The following CUX1 variants were observed in gnomAD, a reference collection of about 807,000 sequenced individuals.
CUX1 encodes protein CASP.
In CUX1, 31 loss-of-function variants were observed where a neutral mutation model predicts 158.8. The ratio of observed to expected loss-of-function variants is 0.20; its 90% CI spans 0.15 to 0.26. CUX1 has a LOEUF of 0.26. Ranked by LOEUF, CUX1 falls within the 10% of genes least tolerant of loss-of-function variation. The pLI is 1.00. For synonymous variants in CUX1, 879 were observed against 862.1 expected, an observed-to-expected ratio of 1.02 and a Z score of -0.34; for missense variants, 1,589 against 2,014.6, an observed-to-expected ratio of 0.79 and a Z score of 4.04.
intron 1 of CUX1, among the ~76,000 whole-genome samples, chr7:101,886,036 G>A (rs1800188207): frequency 6.6e-6 from 1 of 152,150 alleles, no homozygotes; most frequent in African/African-American, 2.4e-5. Context: ...GGATCCCCAT[G>A]CCTCTGTGGG....
chr7:102,227,587 A>G lies in CUX1; in HGVS notation c.3351A>G (p.Gln1117=), dbSNP rs1554529075. Residue 1117 remains glutamine (Q), a synonymous_variant, in exon 21 of 24, where the codon CAA becomes CAG. Coordinates refer to ENST00000292535, the MANE Select transcript of CUX1 (RefSeq NM_181552.4). ...CCGGACACTCGGCCCTCAGCATCCA[A>G]GAATTAGTAGCCATGTCCCCGGAGC... The part of the protein sequence containing the change: ...PLSGHSALSI[Q]ELVAMSPELD... 3 of 1,614,150 alleles carry G rather than the reference A, an allele frequency of 1.9e-6. No individual in the cohort carries two copies. In the African/African-American group the frequency reaches 4.0e-5, roughly 22 times the overall value.
intron 5 of CUX1, among the ~76,000 whole-genome samples, chr7:102,101,112 G>A (rs1298462084): frequency 6.6e-6 from 1 of 152,162 alleles, no homozygotes; most frequent in African/African-American, 2.4e-5. Context: ...TCGCCCCCAT[G>A]ACCCAGACAC....
intron 1 of CUX1, among the ~76,000 whole-genome samples, chr7:101,848,485 A>G (rs1562924465): frequency 6.6e-6 from 1 of 152,184 alleles, no homozygotes; most frequent in Admixed American, 6.6e-5. Flanking sequence ...TTTCAGATCC[A>G]GATGGCAAAA....
At chr7:102,229,199 G>A (rs191150158) in intron 21 of CUX1, among the ~76,000 whole-genome samples, 1 of 152,082 alleles carries the variant, frequency 6.6e-6, no homozygotes, top group East Asian at 1.9e-4. Flanking sequence ...CCTCGGCCTG[G>A]CACATGCTCT....
intron 9 of CUX1, among the ~76,000 whole-genome samples, chr7:102,165,228 G>T (rs146483295): frequency 4.6e-5 from 7 of 151,926 alleles, no homozygotes; most frequent in African/African-American, 1.2e-4. Flanking sequence ...ACCCCTCTCT[G>T]TGTCCTTCCC....
intron 17 of CUX1, among the ~76,000 whole-genome samples, chr7:102,277,352 T>C (rs903333514): frequency 6.6e-6 from 1 of 151,866 alleles, no homozygotes; most frequent in Admixed American, 6.6e-5. Flanking sequence ...TCCCAACACT[T>C]TGGGAGGCAG....
At chr7:101,999,469 C>T (rs539757539) in intron 2 of CUX1, among the ~76,000 whole-genome samples, 1 of 152,164 alleles carries the variant, frequency 6.6e-6, no homozygotes, top group Non-Finnish European at 1.5e-5. Context: ...TTTGCAGTCT[C>T]AGTTCTCTGG....
At chr7:102,010,062 G>A (rs1275098641) in intron 2 of CUX1, among the ~76,000 whole-genome samples, 2 of 152,042 alleles carry the variant, frequency 1.3e-5, no homozygotes, top group Non-Finnish European at 2.9e-5. Context: ...GAGGTGGGCG[G>A]CCTCCCTTGC....
At chr7:101,883,907 T>G (rs992320717) in intron 1 of CUX1, among the ~76,000 whole-genome samples, 1 of 151,784 alleles carries the variant, frequency 6.6e-6, no homozygotes, top group Non-Finnish European at 1.5e-5. Flanking sequence ...AAATTATTAT[T>G]ATTTTTTATA....
intron 4 of CUX1, among the ~76,000 whole-genome samples, chr7:102,074,708 G>A (rs1444699380): frequency 1.3e-5 from 2 of 152,234 alleles, no homozygotes; most frequent in Non-Finnish European, 2.9e-5. Context: ...TCTCACTCCT[G>A]AGTGCCAGCT....
At chr7:101,945,524 C>T (rs1320656629) in intron 2 of CUX1, among the ~76,000 whole-genome samples, 2 of 152,190 alleles carry the variant, frequency 1.3e-5, no homozygotes, top group Non-Finnish European at 2.9e-5. Flanking sequence ...ATGCTGGGCA[C>T]GGTCCCAGGT....
chr7:102,204,643 G>A, intron 19 of CUX1, 87 bp downstream of exon 19: 1 of 1,524,744 alleles, frequency 6.6e-7, no homozygotes, highest in Non-Finnish European at 8.8e-7. Flanking sequence ...ATGCAGAGAG[G>A]GAGGAGGGAA....
chr7:101,916,818 C>CG lies in CUX1; in HGVS notation c.141+598dup, dbSNP rs953774001. ...GTTTTTTCTCTCGTGAGTGTGCAATCGGGGGACAGTGTTGAGTTGCTGGGG... is the reference window on the plus strand; with the variant it reads ...GTTTTTTCTCTCGTGAGTGTGCAATCGGGGGGACAGTGTTGAGTTGCTGGGG... On this transcript the variant is annotated intron_variant, in intron 2 of 23. Coordinates refer to ENST00000292535, the MANE Select transcript of CUX1 (RefSeq NM_181552.4). The surrounding 1 kb of genome is among the most constrained non-coding windows in gnomAD (Gnocchi z 4.4). 1.3e-5 allele frequency among the ~76,000 whole-genome samples: 2 copies of CG among 151,958 alleles called. No homozygotes were observed. The highest frequency in any genetic ancestry group is 4.8e-5 in the African/African-American group (2 of 41,350).
intron 18 of CUX1, chr7:102,278,070 GGGCC>G: frequency 6.2e-7 from 1 of 1,602,062 alleles, no homozygotes; most frequent in South Asian, 1.1e-5. Flanking sequence ...GGCCGGGTGA[GGGCC>G]CTCCCCTGGC....
intron 8 of CUX1, among the ~76,000 whole-genome samples, chr7:102,119,371 T>C (rs1377701378): frequency 2.6e-5 from 4 of 152,180 alleles, no homozygotes; most frequent in South Asian, 4.1e-4. Flanking sequence ...GTCATCGCCA[T>C]GCGTCAGCTG....
intron 4 of CUX1, among the ~76,000 whole-genome samples, chr7:102,090,308 T>A (rs1336220282): frequency 3.3e-5 from 5 of 152,168 alleles, no homozygotes; most frequent in African/African-American, 7.2e-5. Flanking sequence ...CAGCTTGTAC[T>A]AATTATGAGA....
intron 2 of CUX1, among the ~76,000 whole-genome samples, chr7:102,025,110 T>G (rs1819834718): frequency 6.6e-6 from 1 of 152,178 alleles, no homozygotes; most frequent in African/African-American, 2.4e-5. Context: ...CTCCTCTGAC[T>G]CTGAGCCTCC....
intron 3 of CUX1, 92 bp downstream of exon 3, chr7:102,028,237 T>C (rs1251485260): frequency 7.2e-7 from 1 of 1,391,262 alleles, no homozygotes; most frequent in Non-Finnish European, 1.0e-6. Flanking sequence ...GGGCAAAAGG[T>C]GCTGCCCAGA....
intron 1 of CUX1, among the ~76,000 whole-genome samples, chr7:101,835,574 A>T (rs1330504857): frequency 1.3e-5 from 2 of 151,724 alleles, no homozygotes; most frequent in African/African-American, 2.4e-5. Flanking sequence ...TTATTTATTT[A>T]TTTTTTTATT....
Sources: gnomAD v4.1 joint callset for allele counts (sites outside exome capture counted in the v4.1 genomes callset) on GRCh38, gnomAD v4.1.1 for gene constraint, Gnocchi (gnomAD v3.1) non-coding constraint, MANE v1.5 for transcripts, NCBI Gene and HGNC (gene_info 2026-07-23, HGNC 2026-07-21) for gene names.